The following TRHDE variants were observed in gnomAD, a reference collection of about 807,000 sequenced individuals.
The protein encoded by TRHDE is thyrotropin releasing hormone degrading enzyme, also known as thyrotropin-releasing hormone-degrading ectoenzyme.
In TRHDE, 72 loss-of-function variants were observed where a neutral mutation model predicts 125.7. That is an observed-to-expected ratio of 0.57 (90% confidence interval 0.47 to 0.70). The LOEUF (loss-of-function observed/expected upper bound fraction) is 0.70. Among genes scored for constraint, TRHDE ranks in the 30% least tolerant of loss-of-function variants. The pLI, the probability that TRHDE is intolerant of heterozygous loss-of-function variation, is 0.00. For missense variants in TRHDE, 1,110 were observed against 1,327.1 expected, an observed-to-expected ratio of 0.84 and a Z score of 2.54; for synonymous variants, 509 against 509.1, an observed-to-expected ratio of 1.00 and a Z score of 0.00.
At position 72,396,751 on chromosome 12, in the gene TRHDE, CAA is replaced by C. The variant is rs1565726537; in HGVS notation, c.1315+18632_1315+18633del. On this transcript the variant is annotated intron_variant, in intron 3 of 18. Coordinates refer to ENST00000261180, the MANE Select transcript of TRHDE (RefSeq NM_013381.3). ...GAGCGAGACTCCATCTCAAAACAAA[CAA>C]ACAAACAAACAAAAAACAAAAAAAC... Among the ~76,000 whole-genome samples, 10 of 152,040 alleles carry C rather than the reference CAA, an allele frequency of 6.6e-5. No individual in the cohort carries two copies. The East Asian group carries it at 1.7e-3, about 26-fold the overall frequency.
intron 1 of TRHDE, among the ~76,000 whole-genome samples, chr12:72,098,441 C>T (rs1275945697): frequency 6.6e-6 from 1 of 152,016 alleles, no homozygotes; most frequent in Non-Finnish European, 1.5e-5. Context: ...TTGTGGTAAT[C>T]GTTTATGGCC....
intron 3 of TRHDE, among the ~76,000 whole-genome samples, chr12:72,435,484 A>G (rs565296527): frequency 1.3e-5 from 2 of 152,070 alleles, no homozygotes; most frequent in South Asian, 2.1e-4. Flanking sequence ...ATCTCTTCCA[A>G]TCAGGTTTGT....
intron 2 of TRHDE, among the ~76,000 whole-genome samples, chr12:72,126,782 G>A (rs1875722892): frequency 6.6e-6 from 1 of 152,144 alleles, no homozygotes; most frequent in South Asian, 2.1e-4. Flanking sequence ...TCTGGACATT[G>A]GCTTTGGGAA....
chr12:72,573,057 T>C lies in TRHDE; in HGVS notation c.2132-2198T>C, dbSNP rs574037296. Among the ~76,000 whole-genome samples, 7 of 152,072 alleles carry C rather than the reference T, an allele frequency of 4.6e-5. No homozygotes were observed. The East Asian group carries it at 1.4e-3, about 29-fold the overall frequency. On this transcript the variant is annotated intron_variant, in intron 10 of 18. Transcript: ENST00000261180. Reference sequence around the variant, plus strand: ...TCAACTTAGCTCAAGTGAATTCAAGTAGATTTTAAATATTTTGTGTTATAA... The same window carrying C: ...TCAACTTAGCTCAAGTGAATTCAAGCAGATTTTAAATATTTTGTGTTATAA...
intron 3 of TRHDE, among the ~76,000 whole-genome samples, chr12:72,385,028 C>A (rs759092177): frequency 6.6e-6 from 1 of 151,974 alleles, no homozygotes; most frequent in Non-Finnish European, 1.5e-5. Flanking sequence ...ATAGTTTGAA[C>A]CTTTTCTTAT....
intron 7 of TRHDE, among the ~76,000 whole-genome samples, chr12:72,545,426 T>C (rs952979999): frequency 1.3e-5 from 2 of 151,592 alleles, no homozygotes; most frequent in African/African-American, 4.8e-5. Flanking sequence ...CTAAATACTG[T>C]AAGATTCCTT....
chr12:72,569,500 G>A (rs982990641), intron 10 of TRHDE, among the ~76,000 whole-genome samples: 1 of 152,090 alleles, frequency 6.6e-6, no homozygotes, highest in Non-Finnish European at 1.5e-5. Context: ...ATAGGGTGAG[G>A]TATAAATAAA....
chr12:72,231,041 A>G (rs1221099308), intron 2 of TRHDE, among the ~76,000 whole-genome samples: 1 of 152,232 alleles, frequency 6.6e-6, no homozygotes, highest in Non-Finnish European at 1.5e-5. Context: ...ACATTTATCA[A>G]CACTTAGATA....
At chr12:72,328,518 A>C (rs1224280650) in intron 2 of TRHDE, among the ~76,000 whole-genome samples, 1 of 150,092 alleles carries the variant, frequency 6.7e-6, no homozygotes, top group Non-Finnish European at 1.5e-5. Flanking sequence ...GGAAGATAAA[A>C]ATAGGAAAGC....
At chr12:72,112,083 A>G (rs1875328546) in intron 2 of TRHDE, among the ~76,000 whole-genome samples, 1 of 152,172 alleles carries the variant, frequency 6.6e-6, no homozygotes, top group African/African-American at 2.4e-5. Flanking sequence ...ATACAAAAAG[A>G]TTCGCTCATT....
intron 2 of TRHDE, among the ~76,000 whole-genome samples, chr12:72,260,934 C>T (rs1056585718): frequency 2.0e-5 from 3 of 152,130 alleles, no homozygotes; most frequent in Non-Finnish European, 4.4e-5. Context: ...AGTCTTGCTA[C>T]AGTCTTTAGA....
intron 2 of TRHDE, among the ~76,000 whole-genome samples, chr12:72,292,777 CT>C (rs1880136939): frequency 6.6e-6 from 1 of 152,202 alleles, no homozygotes; most frequent in African/African-American, 2.4e-5. Context: ...TATTTCAAGG[CT>C]TTTGATATGA....
At chr12:72,370,402 A>T (rs1433536324) in intron 2 of TRHDE, among the ~76,000 whole-genome samples, 1 of 152,182 alleles carries the variant, frequency 6.6e-6, no homozygotes, top group African/African-American at 2.4e-5. Flanking sequence ...CAGCCAATGT[A>T]GTCTGCTAAA....
At chr12:72,135,728 G>C (rs532090458) in intron 2 of TRHDE, among the ~76,000 whole-genome samples, 1 of 152,260 alleles carries the variant, frequency 6.6e-6, no homozygotes, top group African/African-American at 2.4e-5. Context: ...GCTGAACTCT[G>C]AGATTAAGTT....
At chr12:72,557,943 C>CA (rs1280423958) in intron 7 of TRHDE, among the ~76,000 whole-genome samples, 26 of 149,796 alleles carry the variant, frequency 1.7e-4, no homozygotes, top group Admixed American at 1.7e-3. Context: ...ACAAATATTG[C>CA]AAAAAGAAAG....
chr12:72,108,789 C>T (rs1041316770), intron 2 of TRHDE, among the ~76,000 whole-genome samples: 2 of 151,984 alleles, frequency 1.3e-5, no homozygotes, highest in African/African-American at 2.4e-5. Flanking sequence ...GAACTGGCAA[C>T]AATATCAAAA....
At chr12:72,635,818 T>C (rs960503298) in intron 15 of TRHDE, among the ~76,000 whole-genome samples, 31 of 152,292 alleles carry the variant, frequency 2.0e-4, no homozygotes, top group Non-Finnish European at 3.5e-4. Context: ...GTTGTAGATA[T>C]GCAGCATTAT....
chr12:72,091,390 T>C (rs531877861), intron 1 of TRHDE, among the ~76,000 whole-genome samples: 1 of 152,352 alleles, frequency 6.6e-6, no homozygotes. Flanking sequence ...ATCCTTCATG[T>C]AAGGTACAAG....
At chr12:72,312,558 A>T (rs1248379304) in intron 2 of TRHDE, among the ~76,000 whole-genome samples, 1 of 152,208 alleles carries the variant, frequency 6.6e-6, no homozygotes, top group Non-Finnish European at 1.5e-5. Flanking sequence ...ATTATGTAAC[A>T]ATGTGGTGGG....
Sources: allele counts gnomAD v4.1 joint callset (sites outside exome capture counted in the v4.1 genomes callset), GRCh38; gene constraint gnomAD v4.1.1; transcripts MANE v1.5; gene names NCBI Gene and HGNC (gene_info 2026-07-23, HGNC 2026-07-21).